The following CLEC16A variants were observed in gnomAD, a reference collection of about 807,000 sequenced individuals.
CLEC16A encodes the protein protein CLEC16A.
In CLEC16A, 51 loss-of-function variants were observed where a neutral mutation model predicts 109.5. The ratio of observed to expected loss-of-function variants is 0.47; its 90% CI spans 0.37 to 0.59. The LOEUF (loss-of-function observed/expected upper bound fraction) is 0.59. CLEC16A is among the 20% of genes least tolerant of loss of function. The pLI is 0.00. For missense variants in CLEC16A, 1,339 were observed against 1,394.0 expected (o/e 0.96, Z 0.63); for synonymous variants, 673 against 564.2 (o/e 1.19, Z -2.73).
intron 19 of CLEC16A, among the ~76,000 whole-genome samples, chr16:11,088,596 G>C (rs555901192): frequency 6.6e-6 from 1 of 152,332 alleles, no homozygotes; most frequent in African/African-American, 2.4e-5. Context: ...ACAGCCTCGG[G>C]CAGGAAGTGC....
intron 11 of CLEC16A, among the ~76,000 whole-genome samples, 184 bp from the exon 12 acceptor site, chr16:11,020,009 G>A (rs1056482743): frequency 6.6e-6 from 1 of 152,368 alleles, no homozygotes; most frequent in African/African-American, 2.4e-5. Context: ...AATGGAAAGA[G>A]AGGCTCTGGC....
At chr16:10,995,992 T>C (rs2152735723) in intron 10 of CLEC16A, among the ~76,000 whole-genome samples, 1 of 152,116 alleles carries the variant, frequency 6.6e-6, no homozygotes, top group Non-Finnish European at 1.5e-5. Flanking sequence ...CCCTGGAATC[T>C]CTCCTTCCTT....
chr16:11,157,021 A>G, intron 22 of CLEC16A: 1 of 1,278,612 alleles, frequency 7.8e-7, no homozygotes, highest in African/African-American at 1.5e-5. Flanking sequence ...CTAAGGGCAC[A>G]ATTAGGACAC....
chr16:11,025,645 G>A (rs969899600), intron 13 of CLEC16A, among the ~76,000 whole-genome samples: 2 of 152,148 alleles, frequency 1.3e-5, no homozygotes, highest in Non-Finnish European at 2.9e-5. Flanking sequence ...AAAAAATCAA[G>A]TGATATTTTA....
At chr16:11,114,445 A>G (rs2051829941) in intron 19 of CLEC16A, among the ~76,000 whole-genome samples, 2 of 152,050 alleles carry the variant, frequency 1.3e-5, no homozygotes, top group Admixed American at 1.3e-4. Flanking sequence ...TCTCCTTGCC[A>G]TGGCCACTCC....
At chr16:11,121,481 C>G (rs2052403890) in intron 20 of CLEC16A, among the ~76,000 whole-genome samples, 1 of 152,158 alleles carries the variant, frequency 6.6e-6, no homozygotes, top group Non-Finnish European at 1.5e-5. Context: ...TTTGTGAATT[C>G]CCTTCCGCTC....
intron 19 of CLEC16A, among the ~76,000 whole-genome samples, chr16:11,097,502 T>C (rs2050672623): frequency 6.6e-6 from 1 of 152,202 alleles, no homozygotes; most frequent in Admixed American, 6.5e-5. Context: ...TTCCCTGCCC[T>C]ATTATTTTAC....
rs115881909 is a variant in CLEC16A, at chr16:10,966,699, G to A, written c.344-2462G>A. 1.9e-3 allele frequency among the ~76,000 whole-genome samples: 286 copies of A among 152,274 alleles called. 1 individual carries two copies. The highest frequency in any genetic ancestry group is 6.6e-3 in the African/African-American group (273 of 41,540). On this transcript the variant is annotated intron_variant, in intron 3 of 23. Transcript: ENST00000409790. Reference sequence around the variant, plus strand: ...CTTCACATGGCAACAGCAAGGAGAAGAATGAGTGCTCAGCAAAGGGGGAAG... The same window carrying A: ...CTTCACATGGCAACAGCAAGGAGAAAAATGAGTGCTCAGCAAAGGGGGAAG...
rs191059220 is a variant in CLEC16A at position 11,042,220 on chromosome 16, G to C, written c.1661-34G>C. On this transcript the variant is annotated intron_variant, in intron 14 of 23. Transcript: ENST00000409790. ...CTTGGGTTTAAGGGCGCCCCACCCT[G>C]GGTGTGCAAGGCTTACCCTGGTGTG... is the stretch of plus-strand genomic sequence containing the variant. The C allele has an allele frequency of 4.6e-6, 7 of 1,513,188 alleles. No homozygotes were observed. The African/African-American group carries it at 6.9e-5, about 15-fold the overall frequency. The allele number at this position is 1,513,188 out of a possible 1,614,324, so 93.7% of individuals were successfully genotyped here. A position where few individuals can be genotyped will look rare whatever the true frequency, so the allele number is the denominator to read the frequency against.
At chr16:10,986,052 A>G (rs1177246038) in intron 10 of CLEC16A, among the ~76,000 whole-genome samples, 1 of 30,714 alleles carries the variant, frequency 3.3e-5, no homozygotes, top group Non-Finnish European at 5.3e-5. Flanking sequence ...TTTTTTTGAG[A>G]CTGAGTCTCG....
rs1361885205 is a variant in CLEC16A, at chr16:10,982,982, GAGA to G, written c.1065_1067del (p.Arg355del). 3 of 1,588,664 alleles carry G rather than the reference GAGA, an allele frequency of 1.9e-6. No individual in the cohort carries two copies. Among genetic ancestry groups the G allele is most frequent in the African/African-American group, 2.7e-5 (2 of 74,446 alleles). On this transcript the variant is annotated inframe_deletion, in exon 10 of 24. Coordinates refer to ENST00000409790, the MANE Select transcript of CLEC16A (RefSeq NM_015226.3). ...ACGCTAAGACTGAACAGGATATTCA[GAGA>G]AGTTCTGTAAGTCATTAGCTTCGGG...
chr16:11,003,445 G>C, intron 11 of CLEC16A, 140 bp downstream of exon 11: 1 of 680,788 alleles, frequency 1.5e-6, no homozygotes, highest in Non-Finnish European at 2.5e-6. Flanking sequence ...TCACACTGGC[G>C]TACCTCATTC....
At chr16:11,076,344 C>G (rs1426605861) in intron 19 of CLEC16A, among the ~76,000 whole-genome samples, 2 of 152,200 alleles carry the variant, frequency 1.3e-5, no homozygotes, top group African/African-American at 4.8e-5. Flanking sequence ...CCAAAGCCAG[C>G]CTCCTTGACA....
In CLEC16A at chr16:11,099,192, G is replaced by T. The variant is rs1019514447; in HGVS notation, c.2117-21423G>T. On this transcript the variant is annotated intron_variant, in intron 19 of 23. Transcript: ENST00000409790. Reference sequence around the variant, plus strand: ...GGCCAGGCTGCTTCATGCCACCCGGGTTTGCCAGGACAGGTCATTCTCATG... The same window carrying T: ...GGCCAGGCTGCTTCATGCCACCCGGTTTTGCCAGGACAGGTCATTCTCATG... Among the ~76,000 whole-genome samples the T allele has an allele frequency of 2.0e-5, 3 of 152,224 alleles. No homozygotes were observed. The East Asian group carries it at 5.8e-4, about 29-fold the overall frequency.
At chr16:11,143,379 G>A (rs537472171) in intron 22 of CLEC16A, among the ~76,000 whole-genome samples, 35 of 152,194 alleles carry the variant, frequency 2.3e-4, no homozygotes, top group Non-Finnish European at 4.7e-4. Context: ...AAGAGACCTG[G>A]TGCCAGCAAA....
intron 19 of CLEC16A, among the ~76,000 whole-genome samples, chr16:11,095,673 G>A (rs1305538846): frequency 6.6e-6 from 1 of 152,058 alleles, no homozygotes; most frequent in Non-Finnish European, 1.5e-5. Context: ...TTAGCTGGGC[G>A]TGGTGGCAGG....
At chr16:11,030,530 A>G (rs746711014) in intron 13 of CLEC16A, among the ~76,000 whole-genome samples, 120 of 152,064 alleles carry the variant, frequency 7.9e-4, no homozygotes, top group Non-Finnish European at 1.4e-3. Flanking sequence ...ACATCTTTTC[A>G]TGTGTTTCTT....
intron 19 of CLEC16A, among the ~76,000 whole-genome samples, chr16:11,067,873 T>C (rs1291718821): frequency 6.6e-6 from 1 of 152,218 alleles, no homozygotes; most frequent in Non-Finnish European, 1.5e-5. Flanking sequence ...ACAGGGGCTT[T>C]TATTGCACAG....
intron 7 of CLEC16A, among the ~76,000 whole-genome samples, chr16:10,974,464 G>A (rs374305464): frequency 3.3e-5 from 5 of 152,128 alleles, no homozygotes; most frequent in Admixed American, 2.0e-4. Flanking sequence ...ACCATTGTTG[G>A]GGGGGCTGTC....
Sources: allele counts gnomAD v4.1 joint callset (sites outside exome capture counted in the v4.1 genomes callset), GRCh38; gene constraint gnomAD v4.1.1; transcripts MANE v1.5; gene names NCBI Gene and HGNC (gene_info 2026-07-23, HGNC 2026-07-21).